The following PTPRD variants were observed in gnomAD, a reference collection of about 807,000 sequenced individuals.
PTPRD encodes the protein protein tyrosine phosphatase receptor type D.
In PTPRD, 34 loss-of-function variants were observed where a neutral mutation model predicts 214.5. The observed-to-expected ratio is 0.16, with a 90% CI of 0.12 to 0.21. The LOEUF (loss-of-function observed/expected upper bound fraction) is 0.21. Among genes scored for constraint, PTPRD ranks in the 10% least tolerant of loss-of-function variants. The pLI, the probability that PTPRD is intolerant of heterozygous loss-of-function variation, is 1.00. For missense variants in PTPRD, 2,545 were observed against 2,398.7 expected (o/e 1.06, Z -1.27); for synonymous variants, 1,128 against 845.7 (o/e 1.33, Z -5.79).
intron 18 of PTPRD, among the ~76,000 whole-genome samples, chr9:8,523,756 G>A (rs2097940307): frequency 1.3e-5 from 2 of 152,132 alleles, no homozygotes; most frequent in African/African-American, 2.4e-5. Context: ...TTCCATGGAA[G>A]AAGGTACACA....
intron 3 of PTPRD, among the ~76,000 whole-genome samples, chr9:10,111,388 G>A (rs1345110002): frequency 2.0e-5 from 3 of 149,566 alleles, no homozygotes; most frequent in Admixed American, 1.3e-4. Context: ...ACAGGCGCCC[G>A]CCACTACGCC....
At chr9:8,964,192 G>GTT (rs71317391) in intron 11 of PTPRD, among the ~76,000 whole-genome samples, 103 of 35,584 alleles carry the variant, frequency 2.9e-3, no homozygotes, top group South Asian at 4.9e-3. Flanking sequence ...TCAGGGCTGT[G>GTT]TTTTTTTTTT....
At chr9:9,872,802 T>A (rs1261952849) in intron 5 of PTPRD, among the ~76,000 whole-genome samples, 2 of 152,026 alleles carry the variant, frequency 1.3e-5, no homozygotes, top group African/African-American at 4.8e-5. Context: ...TGTTCCCAAA[T>A]GAAAAACCTT....
intron 2 of PTPRD, among the ~76,000 whole-genome samples, chr9:10,531,901 TC>T (rs2056464234): frequency 6.6e-6 from 1 of 152,188 alleles, no homozygotes; most frequent in Non-Finnish European, 1.5e-5. Flanking sequence ...ATGGTAACTT[TC>T]CCATGGAGAA....
At chr9:8,721,440 A>T (rs2098496993) in intron 12 of PTPRD, among the ~76,000 whole-genome samples, 1 of 151,952 alleles carries the variant, frequency 6.6e-6, no homozygotes, top group Admixed American at 6.5e-5. Flanking sequence ...AAAAAAAAAA[A>T]AAAAAGAAAG....
intron 36 of PTPRD, among the ~76,000 whole-genome samples, chr9:8,402,080 A>G (rs1318893417): frequency 6.6e-6 from 1 of 152,194 alleles, no homozygotes; most frequent in Non-Finnish European, 1.5e-5. Context: ...ACTGCCCTCA[A>G]GAATACCTGC....
At chr9:10,101,612 A>C (rs1378451357) in intron 3 of PTPRD, among the ~76,000 whole-genome samples, 1 of 151,698 alleles carries the variant, frequency 6.6e-6, no homozygotes, top group Admixed American at 6.6e-5. Context: ...ATTTCAGGGC[A>C]TATAGTCAGC....
chr9:10,149,338 C>T (rs749893928), intron 3 of PTPRD, among the ~76,000 whole-genome samples: 3 of 152,108 alleles, frequency 2.0e-5, no homozygotes, highest in Non-Finnish European at 2.9e-5. Context: ...CCAGATCTTC[C>T]CAAGAGGTGT....
chr9:10,608,101 C>T (rs2079965937), intron 2 of PTPRD, among the ~76,000 whole-genome samples: 1 of 151,908 alleles, frequency 6.6e-6, no homozygotes, highest in Non-Finnish European at 1.5e-5. Flanking sequence ...TTCTTTCTAG[C>T]TCTTACAGTC....
intron 2 of PTPRD, among the ~76,000 whole-genome samples, chr9:10,570,755 A>G (rs1332324503): frequency 6.6e-6 from 1 of 152,034 alleles, no homozygotes; most frequent in Non-Finnish European, 1.5e-5. Context: ...GTTACACTAC[A>G]CTGGAGATTA....
rs771104747 is a variant in PTPRD, at chr9:8,449,841, T to C, written c.3876-4A>G. On this transcript the variant is annotated splice_polypyrimidine_tract_variant and splice_region_variant and intron_variant, in intron 33 of 45. Coordinates refer to ENST00000381196, the MANE Select transcript of PTPRD (RefSeq NM_002839.4). ...AGAGTCGGACTCTGCCCTCTTCCTA[T>C]AGGGGGAAAATAGAAATTTAAGAAG... 1.5e-5 allele frequency: 24 copies of C among 1,611,228 alleles called. No individual in the cohort carries two copies. Among genetic ancestry groups the C allele is most frequent in the South Asian group, 4.4e-5 (4 of 90,654 alleles).
At chr9:9,240,883 TA>T (rs1480086143) in intron 9 of PTPRD, among the ~76,000 whole-genome samples, 3 of 152,124 alleles carry the variant, frequency 2.0e-5, no homozygotes, top group Non-Finnish European at 2.9e-5. Flanking sequence ...TCCAAATAGT[TA>T]TTGTTTTACT....
At chr9:10,511,976 G>GTA (rs1298765063) in intron 2 of PTPRD, among the ~76,000 whole-genome samples, 18 of 52,174 alleles carry the variant, frequency 3.4e-4, no homozygotes, top group African/African-American at 1.2e-3. Flanking sequence ...ACGTGTGTGT[G>GTA]TATATATATA....
chr9:10,145,484 C>A (rs1027329145), intron 3 of PTPRD, among the ~76,000 whole-genome samples: 12 of 152,190 alleles, frequency 7.9e-5, no homozygotes, highest in Non-Finnish European at 1.8e-4. Context: ...TTATAGTTTT[C>A]TTAATAACAT....
chr9:9,171,344 T>C (rs547319260), intron 10 of PTPRD, among the ~76,000 whole-genome samples: 286 of 149,420 alleles, frequency 1.9e-3, no homozygotes, highest in African/African-American at 6.9e-3. Context: ...GATTATATTA[T>C]ATATAAATAT....
chr9:10,168,119 T>G (rs1205530486), intron 3 of PTPRD, among the ~76,000 whole-genome samples: 1 of 152,230 alleles, frequency 6.6e-6, no homozygotes, highest in Non-Finnish European at 1.5e-5. Context: ...TATTTGCTTT[T>G]GCAGGTGATG....
intron 7 of PTPRD, among the ~76,000 whole-genome samples, chr9:9,726,824 T>C (rs1279126033): frequency 6.6e-6 from 1 of 152,048 alleles, no homozygotes; most frequent in Non-Finnish European, 1.5e-5. Flanking sequence ...GGGAGGAGAA[T>C]GAAAAATGGA....
chr9:8,682,706 G>T (rs1003406459), intron 12 of PTPRD, among the ~76,000 whole-genome samples: 2 of 152,154 alleles, frequency 1.3e-5, no homozygotes, highest in Non-Finnish European at 2.9e-5. Context: ...GAAAATTAAG[G>T]AGGCTGAAAT....
At chr9:10,121,288 A>T (rs1015283776) in intron 3 of PTPRD, among the ~76,000 whole-genome samples, 22 of 151,746 alleles carry the variant, frequency 1.4e-4, no homozygotes, top group African/African-American at 5.1e-4. Context: ...ATAATCCTAA[A>T]TACTGAATGA....
Sources: gnomAD v4.1 joint callset for allele counts (sites outside exome capture counted in the v4.1 genomes callset) on GRCh38, gnomAD v4.1.1 for gene constraint, MANE v1.5 for transcripts, NCBI Gene and HGNC (gene_info 2026-07-23, HGNC 2026-07-21) for gene names.